The following RBFOX2 variants were observed in gnomAD, a reference collection of about 807,000 sequenced individuals.
The protein encoded by RBFOX2 is RNA binding protein fox-1 homolog 2.
Under a neutral mutation model 49.1 loss-of-function variants are expected in RBFOX2, and 10 were observed. The observed-to-expected ratio is 0.20, with a 90% CI of 0.13 to 0.35. The LOEUF is 0.35. Among genes scored for constraint, RBFOX2 ranks in the 10% least tolerant of loss-of-function variants. The pLI is 1.00. For missense variants in RBFOX2, 323 were observed against 486.9 expected (o/e 0.66, Z 3.17); for synonymous variants, 183 against 187.4 (o/e 0.98, Z 0.19).
chr22:35,756,375 C>T (rs901448485), intron 9 of RBFOX2, among the ~76,000 whole-genome samples: 3 of 152,050 alleles, frequency 2.0e-5, no homozygotes, highest in Non-Finnish European at 4.4e-5. Context: ...AACTAGAATG[C>T]GCAACCTGGA....
intron 1 of RBFOX2, among the ~76,000 whole-genome samples, chr22:35,935,934 T>C (rs1000724757): frequency 1.3e-5 from 2 of 152,076 alleles, no homozygotes; most frequent in African/African-American, 2.4e-5. Flanking sequence ...GAAAATACAA[T>C]GAAAGTGGTC....
intron 1 of RBFOX2, among the ~76,000 whole-genome samples, chr22:36,011,535 AAAAGC>A (rs1249661144): frequency 3.3e-5 from 5 of 152,206 alleles, no homozygotes; most frequent in African/African-American, 9.6e-5. Flanking sequence ...TTCCAAATAG[AAAAGC>A]AAAGCAAAGT....
At chr22:35,997,967 A>G (rs2058259020) in intron 1 of RBFOX2, 1 of 152,138 alleles carries the variant, frequency 6.6e-6, no homozygotes, top group African/African-American at 2.4e-5. Context: ...GAACCACCAC[A>G]CTCCAGACTG....
chr22:36,006,324 G>A (rs528856954), intron 1 of RBFOX2, among the ~76,000 whole-genome samples: 3 of 152,282 alleles, frequency 2.0e-5, no homozygotes, highest in Non-Finnish European at 4.4e-5. Context: ...GTGTCCATGC[G>A]GCACTCAACC....
chr22:35,930,587 T>G (rs140445124), intron 1 of RBFOX2, among the ~76,000 whole-genome samples: 122 of 152,050 alleles, frequency 8.0e-4, no homozygotes, highest in African/African-American at 2.9e-3. Flanking sequence ...CCCAGCACTT[T>G]GGGAGGCTGA....
intron 1 of RBFOX2, among the ~76,000 whole-genome samples, chr22:35,871,060 C>T (rs560305909): frequency 1.3e-5 from 2 of 152,210 alleles, no homozygotes; most frequent in Non-Finnish European, 2.9e-5. Context: ...TTCATGCCAG[C>T]TGGCTCCTAC....
intron 2 of RBFOX2, 59 bp downstream of exon 3, chr22:35,809,721 C>T (rs866567775): frequency 2.2e-5 from 34 of 1,544,538 alleles, no homozygotes; most frequent in Admixed American, 2.2e-4. Context: ...ATAATTAAGG[C>T]GACAATTTCT....
chr22:35,804,292 T>C (rs1372270010), intron 2 of RBFOX2, among the ~76,000 whole-genome samples: 2 of 150,694 alleles, frequency 1.3e-5, no homozygotes, highest in Admixed American at 1.3e-4. Context: ...GAAAAGAAAA[T>C]TATGTGTAAT....
chr22:35,770,550 T>G (rs1363932362), intron 4 of RBFOX2, among the ~76,000 whole-genome samples: 1 of 152,176 alleles, frequency 6.6e-6, no homozygotes, highest in Non-Finnish European at 1.5e-5. Flanking sequence ...CCCAAGGATA[T>G]CCAGCTAATG....
intron 1 of RBFOX2, among the ~76,000 whole-genome samples, chr22:35,923,867 AGGGAAGCAAGT>A (rs914590965): frequency 3.3e-5 from 5 of 152,126 alleles, no homozygotes; most frequent in Non-Finnish European, 5.9e-5. Context: ...CTTAGTAAAT[AGGGAAGCAAGT>A]GGGAAGCAAG....
intron 1 of RBFOX2, among the ~76,000 whole-genome samples, chr22:35,917,104 C>T (rs974095339): frequency 1.3e-5 from 2 of 152,042 alleles, no homozygotes; most frequent in Admixed American, 6.6e-5. Context: ...CATGAGAATG[C>T]CAAAATTTAT....
intron 9 of RBFOX2, among the ~76,000 whole-genome samples, chr22:35,754,889 G>A (rs1345229630): frequency 1.3e-5 from 2 of 152,202 alleles, no homozygotes; most frequent in Non-Finnish European, 2.9e-5. Flanking sequence ...AATCATAGCT[G>A]AGGTTCCTTC....
At chr22:35,778,186 T>TA (rs1268459035) in intron 3 of RBFOX2, 108 bp from the exon 5 acceptor site, 3 of 871,142 alleles carry the variant, frequency 3.4e-6, no homozygotes, top group Non-Finnish European at 1.8e-6. Context: ...GTAAACTACT[T>TA]ATTTAACTTC....
At chr22:35,879,843 C>A (rs2045644379) in intron 1 of RBFOX2, among the ~76,000 whole-genome samples, 1 of 152,074 alleles carries the variant, frequency 6.6e-6, no homozygotes. Flanking sequence ...AGATGGAATA[C>A]CGAACCAGGA....
At chr22:35,744,235 T>G in exon 12 of RBFOX2, 2 of 1,611,592 alleles carry the variant, frequency 1.2e-6, no homozygotes, top group Non-Finnish European at 8.5e-7. Context: ...TGTAGCCACC[T>G]CGGTATAAAC....
chr22:36,020,088 T>C (rs1396962592), intron 1 of RBFOX2, among the ~76,000 whole-genome samples: 1 of 151,952 alleles, frequency 6.6e-6, no homozygotes, highest in African/African-American at 2.4e-5. Flanking sequence ...TCAGAAATAA[T>C]ACCACACATC....
chr22:35,914,843 T>C (rs939610139), intron 1 of RBFOX2, among the ~76,000 whole-genome samples: 13 of 152,222 alleles, frequency 8.5e-5, no homozygotes, highest in African/African-American at 3.1e-4. Flanking sequence ...TCTGAACACT[T>C]GACCACCAAA....
intron 2 of RBFOX2, among the ~76,000 whole-genome samples, chr22:35,782,585 T>A (rs1945423329): frequency 6.6e-6 from 1 of 152,194 alleles, no homozygotes; most frequent in Admixed American, 6.5e-5. Context: ...CCTTCCAAAG[T>A]GTTGGGATTA....
intron 1 of RBFOX2, among the ~76,000 whole-genome samples, chr22:35,903,358 T>A (rs879644640): frequency 2.0e-5 from 3 of 151,784 alleles, no homozygotes; most frequent in Non-Finnish European, 2.9e-5. Context: ...TACAATGCCA[T>A]TTTTTTTGTT....
Sources: gnomAD v4.1 joint callset for allele counts (sites outside exome capture counted in the v4.1 genomes callset) on GRCh38, gnomAD v4.1.1 for gene constraint, MANE v1.5 for transcripts, NCBI Gene and HGNC (gene_info 2026-07-23, HGNC 2026-07-21) for gene names.